PRKG1: variants seen among roughly 807,000 people sequenced by gnomAD.
The protein encoded by PRKG1 is cGMP-dependent protein kinase 1.
PRKG1 carries 35 observed loss-of-function variants against 88.1 expected under a neutral mutation model. That is an observed-to-expected ratio of 0.40 (90% CI 0.30 to 0.53). PRKG1 has a LOEUF of 0.53. Ranked by LOEUF, PRKG1 falls within the 20% of genes least tolerant of loss-of-function variation. The probability of loss-of-function intolerance (pLI) is 0.59; values close to 1 mark genes in which losing one functional copy is unlikely to be tolerated. For missense variants in PRKG1, 540 were observed against 839.8 expected (o/e 0.64, Z 4.41); for synonymous variants, 303 against 292.5 (o/e 1.04, Z -0.37).
chr10:52,107,111 G>A (rs1486355048), intron 7 of PRKG1, among the ~76,000 whole-genome samples: 2 of 152,306 alleles, frequency 1.3e-5, no homozygotes, highest in Non-Finnish European at 1.5e-5. Context: ...CAAGAGCCTA[G>A]AGTGGATGCA....
At chr10:51,174,191 G>T (rs936218771) in intron 2 of PRKG1, among the ~76,000 whole-genome samples, 3 of 151,872 alleles carry the variant, frequency 2.0e-5, no homozygotes, top group Admixed American at 6.6e-5. Flanking sequence ...GGCACTATAA[G>T]AATATATATT....
At position 51,750,164 on chromosome 10, in the gene PRKG1, G is replaced by A. The variant is rs182718110; in HGVS notation, c.593-54421G>A. ...TTGGCCAGGCTGGTCTCGAACTCCT[G>A]ACCTCAGGTGATCCACCCACCTCGG... On this transcript the variant is annotated intron_variant, in intron 3 of 17. Transcript: ENST00000373980. Among the ~76,000 whole-genome samples, 735 of 152,050 alleles carry A rather than the reference G, an allele frequency of 4.8e-3. 3 individuals are homozygous for A. The highest frequency in any genetic ancestry group is 8.5e-3 in the Non-Finnish European group (577 of 67,992).
chr10:51,895,814 G>C (rs1841830541), intron 4 of PRKG1, among the ~76,000 whole-genome samples: 1 of 151,358 alleles, frequency 6.6e-6, no homozygotes, highest in Admixed American at 6.6e-5. Context: ...GTCAAATGGA[G>C]AAAGACAAGG....
chr10:51,944,254 A>G (rs1452174812), intron 5 of PRKG1, among the ~76,000 whole-genome samples: 7 of 152,044 alleles, frequency 4.6e-5, no homozygotes, highest in Non-Finnish European at 1.0e-4. Context: ...AGGTGTTTGT[A>G]GTATTCTCTG....
intron 1 of PRKG1, among the ~76,000 whole-genome samples, chr10:50,993,344 G>A (rs754614678): frequency 4.6e-5 from 7 of 152,204 alleles, no homozygotes; most frequent in Non-Finnish European, 1.0e-4. Context: ...TTAACACTGT[G>A]TACATGGCAC....
intron 1 of PRKG1, among the ~76,000 whole-genome samples, chr10:51,033,173 C>T (rs1375284418): frequency 1.3e-5 from 2 of 152,128 alleles, no homozygotes; most frequent in Non-Finnish European, 2.9e-5. Flanking sequence ...TCTCCTATGT[C>T]CAGTTACTCA....
At chr10:52,083,806 A>C (rs1846840949) in intron 7 of PRKG1, among the ~76,000 whole-genome samples, 1 of 151,972 alleles carries the variant, frequency 6.6e-6, no homozygotes, top group South Asian at 2.1e-4. Context: ...GTTAAACCTG[A>C]GTGTAAAGAA....
At chr10:51,675,196 C>T (rs1435216084) in intron 3 of PRKG1, among the ~76,000 whole-genome samples, 1 of 151,962 alleles carries the variant, frequency 6.6e-6, no homozygotes, top group African/African-American at 2.4e-5. Flanking sequence ...TAACACTGAC[C>T]CAGAAATCAT....
At chr10:51,055,902 C>T (rs919217435) in intron 1 of PRKG1, among the ~76,000 whole-genome samples, 2 of 152,146 alleles carry the variant, frequency 1.3e-5, no homozygotes, top group Non-Finnish European at 2.9e-5. Flanking sequence ...TGTTCCTTTC[C>T]TCCTTTTCTT....
At chr10:51,361,145 G>A (rs973607072) in intron 2 of PRKG1, among the ~76,000 whole-genome samples, 1 of 151,726 alleles carries the variant, frequency 6.6e-6, no homozygotes, top group Non-Finnish European at 1.5e-5. Context: ...CAATTTTTTG[G>A]TATATGATGT....
intron 6 of PRKG1, 36 bp downstream of exon 6, chr10:52,054,597 G>A (rs376758202): frequency 6.3e-7 from 1 of 1,581,184 alleles, no homozygotes; most frequent in Non-Finnish European, 8.7e-7. Context: ...GATGCACTAG[G>A]GGAGCCTGGG....
chr10:51,126,453 TTATA>T (rs1845422856), intron 1 of PRKG1, among the ~76,000 whole-genome samples: 1 of 142,982 alleles, frequency 7.0e-6, no homozygotes, highest in African/African-American at 2.5e-5. Flanking sequence ...ATTCATATAT[TTATA>T]TATTTATTTA....
intron 4 of PRKG1, among the ~76,000 whole-genome samples, chr10:51,815,409 TAAG>T (rs2132631312): frequency 6.6e-6 from 1 of 152,258 alleles, no homozygotes; most frequent in South Asian, 2.1e-4. Context: ...TGGGAAAAAT[TAAG>T]AAGGGTGGTC....
intron 5 of PRKG1, among the ~76,000 whole-genome samples, chr10:52,052,130 C>T (rs1012842123): frequency 1.3e-5 from 2 of 152,094 alleles, no homozygotes; most frequent in African/African-American, 4.8e-5. Flanking sequence ...GGTCATATTT[C>T]AAATGCTCAG....
intron 10 of PRKG1, among the ~76,000 whole-genome samples, chr10:52,267,412 A>G (rs752058786): frequency 6.6e-6 from 1 of 152,086 alleles, no homozygotes; most frequent in South Asian, 2.1e-4. Context: ...CAATAATAAT[A>G]AATAGCTATT....
chr10:51,599,167 AG>A (rs1838533306), intron 3 of PRKG1, among the ~76,000 whole-genome samples: 1 of 152,294 alleles, frequency 6.6e-6, no homozygotes, highest in Admixed American at 6.5e-5. Flanking sequence ...AGTGTCAACC[AG>A]GGGATGATTT....
intron 1 of PRKG1, among the ~76,000 whole-genome samples, chr10:51,000,478 C>T (rs1490041307): frequency 6.6e-6 from 1 of 152,166 alleles, no homozygotes; most frequent in Non-Finnish European, 1.5e-5. Flanking sequence ...GACTCTGTGT[C>T]ACTTAACGCT....
chr10:51,350,226 G>A (rs1842209999), intron 2 of PRKG1, among the ~76,000 whole-genome samples: 1 of 152,142 alleles, frequency 6.6e-6, no homozygotes, highest in African/African-American at 2.4e-5. Flanking sequence ...AGTCCACAAT[G>A]TACCCTCCCC....
In PRKG1 at chr10:51,006,889, T is replaced by C. The variant is rs890286067; in HGVS notation, c.266+15245T>C. ...TTACATATGAATCATCTGGGGAATC[T>C]CCTTCAATGCAGGTTCTGATTCAGT... is the stretch of plus-strand genomic sequence containing the variant. On this transcript the variant is annotated intron_variant, in intron 1 of 17. Transcript: ENST00000401604. Among the ~76,000 whole-genome samples, 4 of 151,894 alleles carry C rather than the reference T, an allele frequency of 2.6e-5. No homozygotes were observed. In the South Asian group the frequency reaches 8.3e-4, roughly 32 times the overall value.
Sources: allele counts gnomAD v4.1 joint callset (sites outside exome capture counted in the v4.1 genomes callset), GRCh38; gene constraint gnomAD v4.1.1; transcripts MANE v1.5; gene names NCBI Gene and HGNC (gene_info 2026-07-23, HGNC 2026-07-21).